Variants in ZNF845 observed in about 807,000 individuals in gnomAD.
The protein encoded by ZNF845 is zinc finger protein 845.
A neutral mutation model predicts 76.1 loss-of-function variants in ZNF845; 59 were observed. That is an observed-to-expected ratio of 0.78 (90% CI 0.63 to 0.96). ZNF845 has a LOEUF of 0.96. ZNF845 is among the 40% of genes least tolerant of loss of function. The probability of loss-of-function intolerance (pLI) is 0.00; values close to 1 mark genes in which losing one functional copy is unlikely to be tolerated. For missense variants in ZNF845, 1,045 were observed against 1,172.8 expected (o/e 0.89, Z 1.59); for synonymous variants, 361 against 386.9 (o/e 0.93, Z 0.78).
intron 1 of ZNF845, chr19:53,340,958 T>C (rs2085252207): frequency 4.6e-6 from 2 of 435,954 alleles, no homozygotes; most frequent in Admixed American, 3.7e-5. Context: ...AGGTCTCTGT[T>C]CTGATATCAC....
chr19:53,350,818 A>G lies in ZNF845; in HGVS notation c.143A>G (p.Asp48Gly). 3 of 1,612,868 alleles carry G rather than the reference A, an allele frequency of 1.9e-6. No individual in the cohort carries two copies. Among genetic ancestry groups the G allele is most frequent in the Non-Finnish European group, 2.5e-6 (3 of 1,179,546 alleles). Residue 48 changes from aspartate to glycine, a missense_variant and splice_region_variant, in exon 4 of 4, where the codon GAT becomes GGT. By Grantham distance (94) the Asp-to-Gly change is moderately conservative (BLOSUM62 -1). Transcript: ENST00000458035. ...ACCTATTGGTGTTTATATTTTCTAG[A>G]TATCTCTTCCAAATGCATGATGAAG... Reference protein sequence around the residue: ...LENYRNLVSLDISSKCMMKEF... With the variant: ...LENYRNLVSLGISSKCMMKEF...
chr19:53,352,687 C>T lies in ZNF845; in HGVS notation c.2012C>T (p.Thr671Ile). The T allele has an allele frequency of 1.9e-6, 3 of 1,613,402 alleles. No individual in the cohort carries two copies. Among genetic ancestry groups the T allele is most frequent in the Non-Finnish European group, 1.7e-6 (2 of 1,179,814 alleles). ...TACAGGTGTAATGAATGTGGCAAGACCTTTAGTCGGAAGTCATACCTTACA... is the reference window on the plus strand; with the variant it reads ...TACAGGTGTAATGAATGTGGCAAGATCTTTAGTCGGAAGTCATACCTTACA... The part of the protein sequence containing the change: ...KPYRCNECGK[T>I]FSRKSYLTCH... The change falls in exon 4 of 4, where the codon ACC (threonine) becomes ATC (isoleucine). Residue 671 changes from threonine (T) to isoleucine (I), a missense_variant. Transcript: ENST00000458035.
At chr19:53,347,244 T>A (rs2147041128) in intron 3 of ZNF845, among the ~76,000 whole-genome samples, 1 of 151,996 alleles carries the variant, frequency 6.6e-6, no homozygotes, top group South Asian at 2.1e-4. Context: ...GGGTTGGAGT[T>A]ACTCTTTAGA....
In ZNF845 at chr19:53,355,443, G is replaced by T. The variant is rs2085379025; in HGVS notation, c.*1855G>T. 1 of 151,620 alleles carries T rather than the reference G, an allele frequency of 6.6e-6. No homozygotes were observed. Among genetic ancestry groups the T allele is most frequent in the Admixed American group, 6.6e-5 (1 of 15,226 alleles). 9.4% of individuals were successfully genotyped at this position (151,620 alleles called of 1,614,324 possible). ...TATTTTTTTTATTTTAGTAAAGACG[G>T]GGTTTCACCATGTTGGCCCAGATGG... On this transcript the variant is annotated 3_prime_UTR_variant, in exon 4 of 4. Coordinates refer to ENST00000458035, the MANE Select transcript of ZNF845 (RefSeq NM_138374.3).
intron 2 of ZNF845, among the ~76,000 whole-genome samples, chr19:53,342,032 A>C (rs1439112289): frequency 1.3e-5 from 2 of 151,958 alleles, no homozygotes; most frequent in Admixed American, 1.3e-4. Context: ...ATTTTTCTCA[A>C]ATATGGGAGC....
chr19:53,342,530 TC>T (rs758215784), intron 2 of ZNF845, among the ~76,000 whole-genome samples: 1 of 152,200 alleles, frequency 6.6e-6, no homozygotes, highest in African/African-American at 2.4e-5. Context: ...ATAAAGCATC[TC>T]TTTTCCCTGT....
At position 53,356,694 on chromosome 19, in the gene ZNF845, CTA is replaced by C. The variant is rs2085388638; in HGVS notation, c.*3107_*3108del. On this transcript the variant is annotated 3_prime_UTR_variant, in exon 4 of 4. Coordinates refer to ENST00000458035, the MANE Select transcript of ZNF845 (RefSeq NM_138374.3). Reference sequence around the variant, plus strand: ...CCTGTAATCCCAGCACTTTGGGAGGCTAAGGTGGGCGGATCACGAGGTCAGGA... The same window carrying C: ...CCTGTAATCCCAGCACTTTGGGAGGCAGGTGGGCGGATCACGAGGTCAGGA... 2 of 152,066 alleles carry C rather than the reference CTA, an allele frequency of 1.3e-5. No homozygotes were observed. Among genetic ancestry groups the C allele is most frequent in the African/African-American group, 4.8e-5 (2 of 41,402 alleles). 9.4% of individuals were successfully genotyped at this position (152,066 alleles called of 1,614,324 possible). A position where few individuals can be genotyped will look rare whatever the true frequency, so the allele number is the denominator to read the frequency against.
chr19:53,338,941 G>GAAA (rs987916674), intron 1 of ZNF845, among the ~76,000 whole-genome samples: 1 of 148,778 alleles, frequency 6.7e-6, no homozygotes, highest in African/African-American at 2.5e-5. Flanking sequence ...AAGAAAGAAA[G>GAAA]AAAAAAAAAT....
chr19:53,353,600 A>G lies in ZNF845; in HGVS notation c.*12A>G. The stretch of plus-strand genomic sequence containing the variant: ...GAAAGAAACATTAGAAATATGAAGA[A>G]TGTGACAAAGTTTACAGTTGTAAAT... On this transcript the variant is annotated 3_prime_UTR_variant, in exon 4 of 4. Coordinates refer to ENST00000458035, the MANE Select transcript of ZNF845 (RefSeq NM_138374.3). The G allele has an allele frequency of 6.4e-7, 1 of 1,565,422 alleles. No homozygotes were observed. Among genetic ancestry groups the G allele is most frequent in the South Asian group, 1.2e-5 (1 of 84,516 alleles).
At position 53,352,646 on chromosome 19, in the gene ZNF845, T is replaced by C; in HGVS notation, c.1971T>C (p.His657=). Residue 657 remains histidine, a synonymous_variant, in exon 4 of 4, where the codon CAT becomes CAC. Coordinates refer to ENST00000458035, the MANE Select transcript of ZNF845 (RefSeq NM_138374.3). ...KSNLQRHRRI[H]TGEKPYRCNE... ...ACCTTCAAAGACATAGGAGAATTCA[T>C]ACTGGAGAGAAACCTTACAGGTGTA... 1 of 1,613,766 alleles carries C rather than the reference T, an allele frequency of 6.2e-7. No individual in the cohort carries two copies. Among genetic ancestry groups the C allele is most frequent in the Non-Finnish European group, 8.5e-7 (1 of 1,179,870 alleles).
intron 1 of ZNF845, among the ~76,000 whole-genome samples, chr19:53,338,316 C>T (rs1210782945): frequency 6.6e-6 from 1 of 152,196 alleles, no homozygotes; most frequent in Non-Finnish European, 1.5e-5. Flanking sequence ...AGTGCCGAGG[C>T]ATCTCCATTT....
intron 1 of ZNF845, among the ~76,000 whole-genome samples, chr19:53,334,528 A>C (rs771113812): frequency 1.3e-5 from 2 of 152,074 alleles, no homozygotes; most frequent in African/African-American, 2.4e-5. Flanking sequence ...AGCAGATCCC[A>C]GGGAAAAAGA....
Position 53,336,172 on chromosome 19 carries a change from A to G in ZNF845, c.-74+2380A>G, listed in dbSNP as rs556039649. On this transcript the variant is annotated intron_variant, in intron 1 of 3. Coordinates refer to ENST00000458035, the MANE Select transcript of ZNF845 (RefSeq NM_138374.3). ...GGTTGCAGTGAGCCAAGATTGCGCCACTGCATTCCATCCTGGGCGAGAGCG... is the reference window on the plus strand; with the variant it reads ...GGTTGCAGTGAGCCAAGATTGCGCCGCTGCATTCCATCCTGGGCGAGAGCG... Among the ~76,000 whole-genome samples, 6 of 146,324 alleles carry G rather than the reference A, an allele frequency of 4.1e-5. No individual in the cohort carries two copies. In the East Asian group the frequency reaches 6.1e-4, roughly 15 times the overall value.
Position 53,351,256 on chromosome 19 carries a change from A to C in ZNF845, c.581A>C (p.Asn194Thr). 1 of 1,614,232 alleles carries C rather than the reference A, an allele frequency of 6.2e-7. No individual in the cohort carries two copies. Among genetic ancestry groups the C allele is most frequent in the Non-Finnish European group, 8.5e-7 (1 of 1,180,038 alleles). ...PKTHISKNYG[N>T]NFLNSSLLTQ... is the part of the protein sequence containing the mutation. ...ACCCACATTTCTAAGAACTATGGGA[A>C]TAATTTCCTGAATTCTTCATTACTC... Residue 194 changes from asparagine to threonine, a missense_variant, in exon 4 of 4, where the codon AAT becomes ACT. Transcript: ENST00000458035.
In ZNF845 at chr19:53,354,012, A is replaced by G. The variant is rs940216054; in HGVS notation, c.*424A>G. ...GCTGGAGAGAAACCTTACAAATGTC[A>G]TGATTGTGGCAAGGTCTTCAGTCTA... On this transcript the variant is annotated 3_prime_UTR_variant, in exon 4 of 4. Transcript: ENST00000458035. 4 of 483,268 alleles carry G rather than the reference A, an allele frequency of 8.3e-6. No individual in the cohort carries two copies. Among genetic ancestry groups the G allele is most frequent in the South Asian group, 5.6e-5 (3 of 53,432 alleles). 29.9% of individuals were successfully genotyped at this position (483,268 alleles called of 1,614,324 possible).
At position 53,353,273 on chromosome 19, in the gene ZNF845, G is replaced by C. The variant is rs757357216; in HGVS notation, c.2598G>C (p.Lys866Asn). The change falls in exon 4 of 4, where the codon AAG (lysine) becomes AAC (asparagine). Residue 866 changes from lysine to asparagine, a missense_variant. Lys to Asn is a moderately conservative substitution (Grantham distance 94). Transcript: ENST00000458035. Reference sequence around the variant, plus strand: ...CTTACAAGTGTAGTGAATGTGGCAAGGTTTTTAATAGAAAAGCAAACCTTT... The same window carrying C: ...CTTACAAGTGTAGTGAATGTGGCAACGTTTTTAATAGAAAAGCAAACCTTT... ...EKPYKCSECGKVFNRKANLSR... is the reference protein window; with the variant it reads ...EKPYKCSECGNVFNRKANLSR... 1.2e-6 allele frequency: 2 copies of C among 1,613,546 alleles called. No homozygotes were observed. Among genetic ancestry groups the C allele is most frequent in the South Asian group, 2.2e-5 (2 of 91,042 alleles).
At position 53,340,803 on chromosome 19, in the gene ZNF845, T is replaced by TC. The variant is rs2085250875; in HGVS notation, c.-73-430dup. 8.6e-6 allele frequency: 3 copies of TC among 347,646 alleles called. No individual in the cohort carries two copies. The East Asian group carries it at 1.3e-4, about 15-fold the overall frequency. The allele number at this position is 347,646 out of a possible 1,614,324, so 21.5% of individuals were successfully genotyped here. A position where few individuals can be genotyped will look rare whatever the true frequency, so the allele number is the denominator to read the frequency against. The stretch of plus-strand genomic sequence containing the variant: ...CTGACCTCATCTGTTTCCCGTGTCC[T>TC]CCTCCCTCCCTCTGCTCCAGCCATG... On this transcript the variant is annotated intron_variant, in intron 1 of 3. Coordinates refer to ENST00000458035, the MANE Select transcript of ZNF845 (RefSeq NM_138374.3).
At position 53,335,406 on chromosome 19, in the gene ZNF845, G is replaced by A. The variant is rs547489154; in HGVS notation, c.-74+1614G>A. On this transcript the variant is annotated intron_variant, in intron 1 of 3. Transcript: ENST00000458035. ...CTCCTGAGTAGCTGGGACCACAGGC[G>A]TGAGCCACCAAGTCCGGCTAGGTTT... Among the ~76,000 whole-genome samples, 292 of 151,904 alleles carry A rather than the reference G, an allele frequency of 1.9e-3. 1 individual carries two copies. Among genetic ancestry groups the A allele is most frequent in the Non-Finnish European group, 3.3e-3 (221 of 67,956 alleles).
chr19:53,351,917 T>C lies in ZNF845; in HGVS notation c.1242T>C (p.Asn414=), dbSNP rs894113302. 2 of 1,613,450 alleles carry C rather than the reference T, an allele frequency of 1.2e-6. No individual in the cohort carries two copies. The highest frequency in any genetic ancestry group is 1.7e-6 in the Non-Finnish European group (2 of 1,179,890). ...CTGGAGAGAAACCTTATAAGTGTAA[T>C]GATTGTGGCAAGACCTTCAGTCAGA... ...LHTGEKPYKC[N]DCGKTFSQMS... is the part of the protein sequence containing the mutation. Residue 414 remains asparagine, a synonymous_variant, in exon 4 of 4, where the codon AAT becomes AAC. Transcript: ENST00000458035.
Sources: gnomAD v4.1 joint callset for allele counts (sites outside exome capture counted in the v4.1 genomes callset) on GRCh38, gnomAD v4.1.1 for gene constraint, MANE v1.5 for transcripts, NCBI Gene and HGNC (gene_info 2026-07-23, HGNC 2026-07-21) for gene names.